Variants in NOVA1 observed in about 807,000 individuals in gnomAD.
NOVA1 encodes NOVA alternative splicing regulator 1.
A neutral mutation model predicts 38.0 loss-of-function variants in NOVA1; 7 were observed. The observed-to-expected ratio is 0.18, with a 90% CI of 0.10 to 0.35. The LOEUF is 0.35. Among genes scored for constraint, NOVA1 ranks in the 10% least tolerant of loss-of-function variants. NOVA1 has a pLI of 1.00. For synonymous variants in NOVA1, 270 were observed against 232.5 expected (o/e 1.16, Z -1.47); for missense variants, 460 against 616.0 (o/e 0.75, Z 2.68).
chr14:26,557,264 T>C (rs79621921), intron 2 of NOVA1, among the ~76,000 whole-genome samples: 1,550 of 152,222 alleles, frequency 0.01, 51 homozygotes, highest in East Asian at 0.053. Context: ...TAAGATACCA[T>C]ATTACACACC....
At chr14:26,484,453 A>G (rs1179477317) in intron 2 of NOVA1, among the ~76,000 whole-genome samples, 30 of 146,456 alleles carry the variant, frequency 2.0e-4, no homozygotes, top group Admixed American at 1.0e-3. Flanking sequence ...AAAAAAAAAA[A>G]AAAAAAAAAG....
chr14:26,463,690 C>T (rs1883887340), intron 4 of NOVA1, among the ~76,000 whole-genome samples: 1 of 152,046 alleles, frequency 6.6e-6, no homozygotes. Flanking sequence ...AATCTGGTAA[C>T]TTTTTATGTT....
In NOVA1 at chr14:26,597,845, G is replaced by T; in HGVS notation, c.-409C>A. ...GGCTGGCGGGGCGCGGGGAGAAGCC[G>T]AGGAGGAGGGGAGAGTGAGGGAAAG... On this transcript the variant is annotated 5_prime_UTR_variant, in exon 1 of 5. Coordinates refer to ENST00000539517, the MANE Select transcript of NOVA1 (RefSeq NM_002515.3). 1 of 186,568 alleles carries T rather than the reference G, an allele frequency of 5.4e-6. No homozygotes were observed. The highest frequency in any genetic ancestry group is 1.0e-5 in the Non-Finnish European group (1 of 97,968). The allele number at this position is 186,568 out of a possible 1,614,324, so 11.6% of individuals were successfully genotyped here.
intron 2 of NOVA1, among the ~76,000 whole-genome samples, chr14:26,515,003 G>C (rs1454224551): frequency 1.3e-5 from 2 of 151,514 alleles, no homozygotes; most frequent in African/African-American, 4.8e-5. Flanking sequence ...TAACTTTCCT[G>C]CTTTATCTTA....
chr14:26,565,664 T>C (rs533211624), intron 2 of NOVA1, among the ~76,000 whole-genome samples: 1 of 152,162 alleles, frequency 6.6e-6, no homozygotes, highest in Non-Finnish European at 1.5e-5. Context: ...TGCCATACTA[T>C]AGACTAAATG....
At chr14:26,467,792 G>C (rs1341165347) in intron 4 of NOVA1, among the ~76,000 whole-genome samples, 1 of 152,200 alleles carries the variant, frequency 6.6e-6, no homozygotes, top group Non-Finnish European at 1.5e-5. Flanking sequence ...CATTAAGTAT[G>C]TGTTGGTATG....
At chr14:26,515,831 A>G (rs952498877) in intron 2 of NOVA1, among the ~76,000 whole-genome samples, 3 of 152,044 alleles carry the variant, frequency 2.0e-5, no homozygotes, top group Non-Finnish European at 4.4e-5. Context: ...ACATTCATAC[A>G]TTTCTACAAA....
At chr14:26,539,344 T>C (rs529859728) in intron 2 of NOVA1, among the ~76,000 whole-genome samples, 4 of 152,268 alleles carry the variant, frequency 2.6e-5, no homozygotes, top group African/African-American at 9.6e-5. Context: ...ATAGTTATAA[T>C]ATGAAAGCAA....
chr14:26,479,608 T>A (rs1403364005), intron 3 of NOVA1: 1 of 217,250 alleles, frequency 4.6e-6, no homozygotes, highest in East Asian at 9.8e-5. Flanking sequence ...TCACTAAAAA[T>A]AGGGTATTGG....
At position 26,463,802 on chromosome 14, in the gene NOVA1, A is replaced by G. The variant is rs117249584; in HGVS notation, c.519+8518T>C. 2.9e-3 allele frequency among the ~76,000 whole-genome samples: 435 copies of G among 152,298 alleles called. 1 individual carries two copies. Among genetic ancestry groups the G allele is most frequent in the Non-Finnish European group, 4.6e-3 (312 of 67,998 alleles). ...AATGCATTGGGATTTATTTCTGCAT[A>G]TCGTCTGAGGTGGAAATTTATTTTC... is the stretch of plus-strand genomic sequence containing the variant. On this transcript the variant is annotated intron_variant, in intron 4 of 4. Coordinates refer to ENST00000539517, the MANE Select transcript of NOVA1 (RefSeq NM_002515.3).
intron 2 of NOVA1, among the ~76,000 whole-genome samples, chr14:26,560,773 T>C (rs368531741): frequency 2.0e-5 from 3 of 152,204 alleles, no homozygotes; most frequent in East Asian, 3.8e-4. Context: ...CTTTGTGCCA[T>C]CTTTTCCTCA....
rs369426426 is a variant in NOVA1 at position 26,595,334 on chromosome 14, A to G, written c.280+76T>C. On this transcript the variant is annotated intron_variant, in intron 2 of 4. Coordinates refer to ENST00000539517, the MANE Select transcript of NOVA1 (RefSeq NM_002515.3). ...CCAGTATTGTTTAAAAATTCTTTCAAGACAGCACACAACACAAGTAGATCT... is the reference window on the plus strand; with the variant it reads ...CCAGTATTGTTTAAAAATTCTTTCAGGACAGCACACAACACAAGTAGATCT... The G allele has an allele frequency of 1.5e-5, 21 of 1,436,104 alleles. 1 individual carries two copies. The highest frequency in any genetic ancestry group is 2.3e-5 in the East Asian group (1 of 43,714). 89.0% of individuals were successfully genotyped at this position (1,436,104 alleles called of 1,614,324 possible). A position where few individuals can be genotyped will look rare whatever the true frequency, so the allele number is the denominator to read the frequency against.
intron 4 of NOVA1, among the ~76,000 whole-genome samples, chr14:26,460,689 G>C (rs1008216065): frequency 1.3e-5 from 2 of 151,988 alleles, no homozygotes; most frequent in Non-Finnish European, 2.9e-5. Context: ...GGCAATTATA[G>C]ATTTCTGAGG....
intron 2 of NOVA1, among the ~76,000 whole-genome samples, chr14:26,546,417 T>C (rs1339551645): frequency 6.6e-6 from 1 of 152,142 alleles, no homozygotes; most frequent in Non-Finnish European, 1.5e-5. Context: ...AATTATCTAT[T>C]TGAGAGGGAT....
At chr14:26,595,651 G>T in intron 1 of NOVA1, 98 bp from the exon 2 acceptor site, 2 of 946,600 alleles carry the variant, frequency 2.1e-6, no homozygotes, top group Non-Finnish European at 3.1e-6. Flanking sequence ...TAAAGCACTG[G>T]GTATATAACT....
intron 2 of NOVA1, among the ~76,000 whole-genome samples, chr14:26,564,362 C>T (rs1892005651): frequency 6.6e-6 from 1 of 152,090 alleles, no homozygotes; most frequent in Non-Finnish European, 1.5e-5. Context: ...TCACAACAAT[C>T]CCATGAGGTG....
At chr14:26,512,574 C>CA (rs765047501) in intron 2 of NOVA1, among the ~76,000 whole-genome samples, 94 of 151,966 alleles carry the variant, frequency 6.2e-4, no homozygotes, top group Non-Finnish European at 1.1e-3. Context: ...ATGTTAATTA[C>CA]AAAAAAGACA....
chr14:26,445,104 T>A lies in NOVA1; in HGVS notation c.*2855A>T, dbSNP rs2063041074. 1.3e-5 allele frequency: 2 copies of A among 152,118 alleles called. No homozygotes were observed. Among genetic ancestry groups the A allele is most frequent in the Non-Finnish European group, 2.9e-5 (2 of 68,008 alleles). 9.4% of individuals were successfully genotyped at this position (152,118 alleles called of 1,614,324 possible). A position where few individuals can be genotyped will look rare whatever the true frequency, so the allele number is the denominator to read the frequency against. On this transcript the variant is annotated 3_prime_UTR_variant, in exon 5 of 5. Coordinates refer to ENST00000539517, the MANE Select transcript of NOVA1 (RefSeq NM_002515.3). ...TAGAAAGCTGCAGAACTGAGGTAAT[T>A]CGTATTCAGCGTGTTCACCAGCCTC...
At chr14:26,523,499 C>A (rs73601911) in intron 2 of NOVA1, among the ~76,000 whole-genome samples, 2,709 of 152,214 alleles carry the variant, frequency 0.018, 73 homozygotes, top group African/African-American at 0.062. Flanking sequence ...CATGGTATGG[C>A]AAACATTGCC....
Sources: allele counts gnomAD v4.1 joint callset (sites outside exome capture counted in the v4.1 genomes callset), GRCh38; gene constraint gnomAD v4.1.1; transcripts MANE v1.5; gene names NCBI Gene and HGNC (gene_info 2026-07-23, HGNC 2026-07-21).